Variants in CRACD observed in about 807,000 individuals in gnomAD.
CRACD encodes capping protein-inhibiting regulator of actin dynamics.
In CRACD, 56 loss-of-function variants were observed where a neutral mutation model predicts 106.8. The observed-to-expected ratio is 0.52, with a 90% CI of 0.42 to 0.66. CRACD has a LOEUF of 0.66. CRACD is among the 30% of genes least tolerant of loss of function. The pLI, the probability that CRACD is intolerant of heterozygous loss-of-function variation, is 0.00. For missense variants in CRACD, 1,730 were observed against 1,623.2 expected (o/e 1.07, Z -1.13); for synonymous variants, 754 against 670.8 (o/e 1.12, Z -1.92).
Position 56,324,239 on chromosome 4 carries a change from G to C in CRACD, c.3514G>C (p.Ala1172Pro). Residue 1172 changes from alanine to proline, a missense_variant, in exon 10 of 11, where the codon GCC becomes CCC. Coordinates refer to ENST00000682029, the MANE Select transcript of CRACD (RefSeq NM_001393381.1). ...TGAGCGCAGAGAACAGCTGAAAAAG[G>C]CCAATACTCTTCCTACGTCTGTGAC... The part of the protein sequence containing the change: ...RLERREQLKK[A>P]NTLPTSVTVE... 1 of 1,614,030 alleles carries C rather than the reference G, an allele frequency of 6.2e-7. No homozygotes were observed. The highest frequency in any genetic ancestry group is 1.1e-5 in the South Asian group (1 of 91,038).
chr4:56,128,273 CTT>C (rs1205391405), intron 1 of CRACD, among the ~76,000 whole-genome samples: 1 of 152,176 alleles, frequency 6.6e-6, no homozygotes, highest in Non-Finnish European at 1.5e-5. Context: ...TAATACATGA[CTT>C]TAATTTAGTG....
chr4:56,273,113 A>G (rs181727491), intron 3 of CRACD, among the ~76,000 whole-genome samples: 1 of 152,154 alleles, frequency 6.6e-6, no homozygotes, highest in East Asian at 1.9e-4. Context: ...CCTCAGATTG[A>G]AGAAGACTGT....
At chr4:56,191,501 T>C (rs1313583104) in intron 2 of CRACD, among the ~76,000 whole-genome samples, 3 of 152,036 alleles carry the variant, frequency 2.0e-5, no homozygotes, top group Non-Finnish European at 4.4e-5. Flanking sequence ...CTCCCTCTTA[T>C]AAAGACCCTT....
intron 2 of CRACD, among the ~76,000 whole-genome samples, chr4:56,190,317 T>A (rs931927043): frequency 6.6e-6 from 1 of 152,098 alleles, no homozygotes; most frequent in Non-Finnish European, 1.5e-5. Context: ...TGATTTATAG[T>A]CCTTTGGGTA....
At position 56,260,046 on chromosome 4, in the gene CRACD, A is replaced by T. The variant is rs144724859; in HGVS notation, c.-188-12275A>T. Among the ~76,000 whole-genome samples, 424 of 152,298 alleles carry T rather than the reference A, an allele frequency of 2.8e-3. 1 individual carries two copies. The highest frequency in any genetic ancestry group is 9.6e-3 in the African/African-American group (398 of 41,564). ...AAGCAACCGAGGTTTTTGTGGAAGG[A>T]TAGGGAATATAGAATGGTTAGCAGA... On this transcript the variant is annotated intron_variant, in intron 2 of 10. Transcript: ENST00000682029.
intron 1 of CRACD, among the ~76,000 whole-genome samples, chr4:56,064,915 G>C (rs1199470502): frequency 6.6e-6 from 1 of 152,092 alleles, no homozygotes; most frequent in Non-Finnish European, 1.5e-5. Context: ...GGTCCCAAAT[G>C]TCTGCAGTGA....
At chr4:56,228,482 G>C (rs73240533) in intron 2 of CRACD, among the ~76,000 whole-genome samples, 36,749 of 151,770 alleles carry the variant, frequency 0.24, 4,546 homozygotes, top group Non-Finnish European at 0.27. Context: ...GCCTAAGTCG[G>C]CCAGGATGGT....
chr4:56,327,533 C>T (rs768457752), intron 10 of CRACD, 111 bp from the exon 11 acceptor site: 49 of 947,414 alleles, frequency 5.2e-5, no homozygotes, highest in Non-Finnish European at 7.6e-5. Flanking sequence ...TTGTACATGA[C>T]AAATACAGTT....
chr4:56,313,054 T>G (rs1418482887), intron 6 of CRACD, 143 bp from the exon 7 acceptor site: 2 of 708,586 alleles, frequency 2.8e-6, no homozygotes, highest in Non-Finnish European at 4.8e-6. Flanking sequence ...TTCATTTCAT[T>G]TTCTGAGGAG....
chr4:56,110,603 AT>A (rs915230378), intron 1 of CRACD, among the ~76,000 whole-genome samples: 99 of 148,210 alleles, frequency 6.7e-4, no homozygotes, highest in Middle Eastern at 3.5e-3. Context: ...TCAGTACAAG[AT>A]TTTTTTTTTT....
At chr4:56,201,378 C>G (rs1737871604) in intron 2 of CRACD, among the ~76,000 whole-genome samples, 1 of 152,142 alleles carries the variant, frequency 6.6e-6, no homozygotes, top group South Asian at 2.1e-4. Context: ...TTCCTGCATT[C>G]TAGGGCATGA....
chr4:56,254,591 A>G (rs1437365910), intron 2 of CRACD, among the ~76,000 whole-genome samples: 1 of 152,110 alleles, frequency 6.6e-6, no homozygotes, highest in Non-Finnish European at 1.5e-5. Context: ...CAATGGGTCC[A>G]GGGAAGGTTA....
chr4:56,051,333 TTGA>T (rs1356944184), intron 1 of CRACD, among the ~76,000 whole-genome samples: 3 of 152,242 alleles, frequency 2.0e-5, no homozygotes, highest in Non-Finnish European at 2.9e-5. Context: ...CCACATACAG[TTGA>T]TGAAAGCTTG....
chr4:56,246,522 A>G (rs184915082), intron 2 of CRACD: 13 of 152,334 alleles, frequency 8.5e-5, no homozygotes, highest in Non-Finnish European at 1.9e-4. Context: ...TCCAAAGCCA[A>G]TCTAACAGTA....
rs199529984 is a variant in CRACD at position 56,316,165 on chromosome 4, G to T, written c.2663G>T (p.Ser888Ile). The T allele has an allele frequency of 4.8e-5, 77 of 1,614,200 alleles. No individual in the cohort carries two copies. Among genetic ancestry groups the T allele is most frequent in the Non-Finnish European group, 5.6e-5 (66 of 1,180,024 alleles). ...GATGCAGGGCCGCCTGCAGCGGGGA[G>T]CGCTCGTGGAGAGAAAGAGATGGAG... ...SADAGPPAAG[S>I]ARGEKEMEGV... The change falls in exon 8 of 11, where the codon AGC becomes ATC. Residue 888 changes from serine (S) to isoleucine (I), a missense_variant. Physicochemically the swap from Ser to Ile is moderately radical, Grantham distance 142. This residue lies in a region of CRACD where 1,620 missense variants were observed against 1,481.6 expected (regional missense o/e 1.09). Coordinates refer to ENST00000682029, the MANE Select transcript of CRACD (RefSeq NM_001393381.1).
In CRACD at chr4:56,307,723, T is replaced by TTGA; in HGVS notation, c.285+27_285+29dup. ...AGGTAAGTCTCCTCCAGGGAATGACTTGATGGCTCATAAACCAGGGCAGGA... is the reference window on the plus strand; with the variant it reads ...AGGTAAGTCTCCTCCAGGGAATGACTTGATGATGGCTCATAAACCAGGGCAGGA... On this transcript the variant is annotated intron_variant, in intron 5 of 10. Transcript: ENST00000682029. 1.9e-6 allele frequency: 3 copies of TTGA among 1,612,938 alleles called. No individual in the cohort carries two copies. The African/African-American group carries it at 4.0e-5, about 22-fold the overall frequency.
At chr4:56,063,569 C>T (rs2109788552) in intron 1 of CRACD, among the ~76,000 whole-genome samples, 1 of 152,104 alleles carries the variant, frequency 6.6e-6, no homozygotes, top group East Asian at 1.9e-4. Flanking sequence ...CCCCTGGTAA[C>T]TTCTGTTCTA....
rs763679684 is a variant in CRACD, at chr4:56,315,755, G to A, written c.2253G>A (p.Leu751=). 2 of 1,614,232 alleles carry A rather than the reference G, an allele frequency of 1.2e-6. No homozygotes were observed. Among genetic ancestry groups the A allele is most frequent in the Non-Finnish European group, 1.7e-6 (2 of 1,180,034 alleles). ...AAAGCATACGAAAAAGACCCATGCT[G>A]GGACCCAGCGAAGAGACAGCCCCCC... ...EAESIRKRPM[L]GPSEETAPQP... is the part of the protein sequence containing the mutation. The change falls in exon 8 of 11, where the codon CTG becomes CTA. Residue 751 remains leucine (L), a synonymous_variant. Coordinates refer to ENST00000682029, the MANE Select transcript of CRACD (RefSeq NM_001393381.1). The surrounding 1 kb of genome is among the most constrained non-coding windows in gnomAD (Gnocchi z 4.1).
chr4:56,224,951 G>A (rs1405952959), intron 2 of CRACD, among the ~76,000 whole-genome samples: 2 of 152,182 alleles, frequency 1.3e-5, no homozygotes, highest in Admixed American at 6.5e-5. Context: ...ATCTGGAGAG[G>A]GTTGAGTGTC....
Sources: gnomAD v4.1 joint callset for allele counts (sites outside exome capture counted in the v4.1 genomes callset) on GRCh38, gnomAD v4.1.1 for gene constraint, gnomAD v4.1.1 regional missense constraint, Gnocchi (gnomAD v3.1) non-coding constraint, MANE v1.5 for transcripts, NCBI Gene and HGNC (gene_info 2026-07-23, HGNC 2026-07-21) for gene names.